USP6NL: variants seen among roughly 807,000 people sequenced by gnomAD.
USP6NL encodes USP6 N-terminal-like protein.
USP6NL carries 26 observed loss-of-function variants against 61.9 expected under a neutral mutation model. That is an observed-to-expected ratio of 0.42 (90% CI 0.31 to 0.58). The LOEUF is 0.58. USP6NL is among the 20% of genes least tolerant of loss of function. The pLI, the probability that USP6NL is intolerant of heterozygous loss-of-function variation, is 0.16. For missense variants in USP6NL, 1,114 were observed against 1,034.3 expected, an observed-to-expected ratio of 1.08 and a Z score of -1.06; for synonymous variants, 432 against 390.1, an observed-to-expected ratio of 1.11 and a Z score of -1.27.
chr10:11,570,711 T>C (rs1402172527), intron 2 of USP6NL, among the ~76,000 whole-genome samples: 4 of 152,210 alleles, frequency 2.6e-5, no homozygotes, highest in Non-Finnish European at 5.9e-5. Flanking sequence ...TATGATTACA[T>C]TTACGCCTTA....
rs1315222394 is a variant in USP6NL, at chr10:11,489,257, T to G, written c.544-35A>C. ...AAAGGGGAACACAGAAGCTGGGGAG[T>G]TCAGTCGAATTACATGCATATGTAC... On this transcript the variant is annotated intron_variant, in intron 9 of 14. Coordinates refer to ENST00000609104, the MANE Select transcript of USP6NL (RefSeq NM_014688.5). This position sits in a 1 kb window ranked among gnomAD's most constrained non-coding sequence, Gnocchi z 5.7. 1 of 1,611,344 alleles carries G rather than the reference T, an allele frequency of 6.2e-7. No homozygotes were observed. Among genetic ancestry groups the G allele is most frequent in the Non-Finnish European group, 8.5e-7 (1 of 1,178,416 alleles).
rs774465528 is a variant in USP6NL, at chr10:11,510,521, CAA to C, written c.196-848_196-847del. Among the ~76,000 whole-genome samples, 12 of 152,206 alleles carry C rather than the reference CAA, an allele frequency of 7.9e-5. No individual in the cohort carries two copies. The highest frequency in any genetic ancestry group is 2.9e-4 in the African/African-American group (12 of 41,524). ...GGGAGAAGTCTCTTGCGTGCCCACT[CAA>C]GTGAAATTCAGGGGCAAGGCTGCGG... On this transcript the variant is annotated intron_variant, in intron 5 of 14. Coordinates refer to ENST00000609104, the MANE Select transcript of USP6NL (RefSeq NM_014688.5). This position sits in a 1 kb window ranked among gnomAD's most constrained non-coding sequence, Gnocchi z 4.8.
At chr10:11,541,438 T>C (rs1031349858) in intron 2 of USP6NL, among the ~76,000 whole-genome samples, 3 of 151,520 alleles carry the variant, frequency 2.0e-5, no homozygotes, top group African/African-American at 7.3e-5. Flanking sequence ...TTATTGCCCA[T>C]TAAACAAATG....
intron 2 of USP6NL, among the ~76,000 whole-genome samples, chr10:11,567,930 C>A (rs1276541600): frequency 1.3e-5 from 2 of 152,230 alleles, no homozygotes; most frequent in East Asian, 3.9e-4. Context: ...AATGAGCGAG[C>A]AAATCCAGGA....
At position 11,485,168 on chromosome 10, in the gene USP6NL, C is replaced by A. The variant is rs1833403129; in HGVS notation, c.825+1G>T. On this transcript the variant is annotated splice_donor_variant, in intron 12 of 14. Coordinates refer to ENST00000609104, the MANE Select transcript of USP6NL (RefSeq NM_014688.5). LOFTEE classifies it high-confidence loss of function. This position sits in a 1 kb window ranked among gnomAD's most constrained non-coding sequence, Gnocchi z 4.8. Reference sequence around the variant, plus strand: ...ACTGAGTTTTGTAAATAAATACTTACACGATCAAGGAAACACTGAAAAAAC... The same window carrying A: ...ACTGAGTTTTGTAAATAAATACTTAAACGATCAAGGAAACACTGAAAAAAC... 6.5e-7 allele frequency: 1 copy of A among 1,541,576 alleles called. No individual in the cohort carries two copies. The highest frequency in any genetic ancestry group is 2.4e-5 in the East Asian group (1 of 41,144).
rs147692718 is a variant in USP6NL, at chr10:11,604,904, C to G, written c.-84+6539G>C. ...TCTTCTCCATCTCTCAAAGTATCTT[C>G]TCATACTATATTGCAGGAACTGAAA... On this transcript the variant is annotated intron_variant, in intron 1 of 14. Transcript: ENST00000609104. Among the ~76,000 whole-genome samples the G allele has an allele frequency of 1.2e-4, 19 of 152,232 alleles. 1 individual carries two copies. The East Asian group carries it at 3.5e-3, about 28-fold the overall frequency.
intron 6 of USP6NL, among the ~76,000 whole-genome samples, chr10:11,505,508 T>G (rs1361352245): frequency 6.6e-6 from 1 of 152,210 alleles, no homozygotes; most frequent in Non-Finnish European, 1.5e-5. Context: ...ATCCATACTC[T>G]TAACAACCAT....
chr10:11,493,321 G>A, intron 7 of USP6NL, 93 bp from the exon 8 acceptor site: 6 of 1,142,018 alleles, frequency 5.3e-6, no homozygotes, highest in South Asian at 3.2e-5. Flanking sequence ...AAAAGTTTTT[G>A]GTTTAAAAAA....
intron 2 of USP6NL, among the ~76,000 whole-genome samples, chr10:11,555,415 T>TAAAAAAAAAAAAAA (rs558901276): frequency 1.1e-4 from 3 of 26,862 alleles, no homozygotes; most frequent in Non-Finnish European, 1.9e-4. Flanking sequence ...AACTCGGTCT[T>TAAAAAAAAAAAAAA]AAAAAAAAAA....
At chr10:11,472,850 T>G (rs1462279478) in intron 14 of USP6NL, among the ~76,000 whole-genome samples, 1 of 152,136 alleles carries the variant, frequency 6.6e-6, no homozygotes, top group Non-Finnish European at 1.5e-5. Flanking sequence ...ACTTGAAAGT[T>G]AAAGGAAAAA....
intron 14 of USP6NL, among the ~76,000 whole-genome samples, chr10:11,475,301 CAA>C (rs766814955): frequency 7.8e-5 from 10 of 127,546 alleles, no homozygotes; most frequent in Non-Finnish European, 6.8e-5. Context: ...GAAAGTTTGC[CAA>C]AAAAAAAAAA....
At position 11,525,341 on chromosome 10, in the gene USP6NL, A is replaced by T. The variant is rs748739510; in HGVS notation, c.155+45T>A. On this transcript the variant is annotated intron_variant, in intron 4 of 14. Coordinates refer to ENST00000609104, the MANE Select transcript of USP6NL (RefSeq NM_014688.5). This position sits in a 1 kb window ranked among gnomAD's most constrained non-coding sequence, Gnocchi z 5.0. Reference sequence around the variant, plus strand: ...AAATCAATATAATAGGTGACCACAGAAACGTTATAATCTAAAAAGCAAGCT... The same window carrying T: ...AAATCAATATAATAGGTGACCACAGTAACGTTATAATCTAAAAAGCAAGCT... 11 of 1,480,240 alleles carry T rather than the reference A, an allele frequency of 7.4e-6. No homozygotes were observed. The highest frequency in any genetic ancestry group is 9.2e-6 in the Non-Finnish European group (10 of 1,087,710). The allele number at this position is 1,480,240 out of a possible 1,614,324, so 91.7% of individuals were successfully genotyped here.
At chr10:11,563,512 C>G (rs1239776401) in intron 2 of USP6NL, 1 of 151,830 alleles carries the variant, frequency 6.6e-6, no homozygotes, top group African/African-American at 2.4e-5. Flanking sequence ...ATATCAATAT[C>G]CTGGTTTGAT....
chr10:11,578,441 C>G (rs1837629225), intron 2 of USP6NL, among the ~76,000 whole-genome samples: 1 of 152,126 alleles, frequency 6.6e-6, no homozygotes, highest in Non-Finnish European at 1.5e-5. Flanking sequence ...TCAACATTTT[C>G]CAATTTAAGA....
intron 2 of USP6NL, among the ~76,000 whole-genome samples, chr10:11,560,723 T>C (rs1033523101): frequency 6.8e-6 from 1 of 146,866 alleles, no homozygotes; most frequent in Non-Finnish European, 1.5e-5. Flanking sequence ...ATTATATATA[T>C]ATATATATAT....
In USP6NL at chr10:11,463,741, C is replaced by A. The variant is rs746226213; in HGVS notation, c.1187G>T (p.Ser396Ile). Residue 396 changes from serine to isoleucine, a missense_variant, in exon 15 of 15, where the codon AGC becomes ATC. Transcript: ENST00000609104. This position sits in a 1 kb window ranked among gnomAD's most constrained non-coding sequence, Gnocchi z 6.3. ...CTCCCTCCTGCCGCTGGCCAGCGGG[C>A]TCGGCCGGCCCACGCTCCTCTGTCC... is the stretch of plus-strand genomic sequence containing the variant. ...SNGQRSVGRP[S>I]PLASGRRESG... The A allele has an allele frequency of 2.5e-6, 4 of 1,597,856 alleles. No homozygotes were observed. The highest frequency in any genetic ancestry group is 1.7e-6 in the Non-Finnish European group (2 of 1,171,074).
At position 11,574,822 on chromosome 10, in the gene USP6NL, T is replaced by C. The variant is rs902174943; in HGVS notation, c.4+22809A>G. On this transcript the variant is annotated intron_variant, in intron 2 of 14. Transcript: ENST00000609104. The surrounding 1 kb of genome is among the most constrained non-coding windows in gnomAD (Gnocchi z 4.3). Reference sequence around the variant, plus strand: ...TTTTCCCATTTTTCAGCTGGACAACTGAGCACAGTGAATCAACCAAGGTTA... The same window carrying C: ...TTTTCCCATTTTTCAGCTGGACAACCGAGCACAGTGAATCAACCAAGGTTA... Among the ~76,000 whole-genome samples the C allele has an allele frequency of 6.6e-5, 10 of 152,240 alleles. No homozygotes were observed. The highest frequency in any genetic ancestry group is 2.0e-4 in the Admixed American group (3 of 15,282).
rs779462649 is a variant in USP6NL, at chr10:11,462,399, C to T, written c.*42G>A. On this transcript the variant is annotated 3_prime_UTR_variant, in exon 15 of 15. Coordinates refer to ENST00000609104, the MANE Select transcript of USP6NL (RefSeq NM_014688.5). ...ATTATGAACATAGCAATGTAGGTTT[C>T]ACGTGGTTTCTCTCTCGTCTTTAGC... 1 of 1,583,214 alleles carries T rather than the reference C, an allele frequency of 6.3e-7. No individual in the cohort carries two copies.
chr10:11,490,209 A>T lies in USP6NL; in HGVS notation c.543+623T>A, dbSNP rs1283323288. On this transcript the variant is annotated intron_variant, in intron 9 of 14. Transcript: ENST00000609104. This position sits in a 1 kb window ranked among gnomAD's most constrained non-coding sequence, Gnocchi z 4.5. The stretch of plus-strand genomic sequence containing the variant: ...GTTTTAACTACAATAGAAATTATAC[A>T]TCCCAAGGTTCAAAGGTCCTCCCTG... Among the ~76,000 whole-genome samples, 1 of 152,234 alleles carries T rather than the reference A, an allele frequency of 6.6e-6. No homozygotes were observed. Among genetic ancestry groups the T allele is most frequent in the Non-Finnish European group, 1.5e-5 (1 of 68,038 alleles).
Sources: gnomAD v4.1 joint callset for allele counts (sites outside exome capture counted in the v4.1 genomes callset) on GRCh38, gnomAD v4.1.1 for gene constraint, Gnocchi (gnomAD v3.1) non-coding constraint, MANE v1.5 for transcripts, NCBI Gene and HGNC (gene_info 2026-07-23, HGNC 2026-07-21) for gene names.